The following TTC29 variants were observed in gnomAD, a reference collection of about 807,000 sequenced individuals.
TTC29 encodes tetratricopeptide repeat domain 29, also known as tetratricopeptide repeat protein 29.
In TTC29, 49 loss-of-function variants were observed where a neutral mutation model predicts 58.1. That is an observed-to-expected ratio of 0.84 (90% CI 0.67 to 1.07). The LOEUF is 1.07. Among genes scored for constraint, TTC29 ranks in the 50% least tolerant of loss-of-function variants. The pLI, the probability that TTC29 is intolerant of heterozygous loss-of-function variation, is 0.00. For missense variants in TTC29, 582 were observed against 555.6 expected, an observed-to-expected ratio of 1.05 and a Z score of -0.48; for synonymous variants, 209 against 196.8, an observed-to-expected ratio of 1.06 and a Z score of -0.52.
At chr4:146,765,738 T>C (rs926782800) in intron 11 of TTC29, among the ~76,000 whole-genome samples, 14 of 152,282 alleles carry the variant, frequency 9.2e-5, no homozygotes, top group Admixed American at 3.9e-4. Context: ...GCAGCCTTCA[T>C]AAGACAGACA....
At chr4:146,927,677 G>A (rs1735032222) in intron 4 of TTC29, among the ~76,000 whole-genome samples, 1 of 152,074 alleles carries the variant, frequency 6.6e-6, no homozygotes, top group Non-Finnish European at 1.5e-5. Context: ...GACTGTCAAT[G>A]GCCATCAAGA....
In TTC29 at chr4:146,732,150, A is replaced by G. The variant is rs188023067; in HGVS notation, c.1331-24599T>C. ...TGTTATGGTATTCAAAACACCATCC[A>G]ATAATATTTGCTGGCATTTTCTACT... On this transcript the variant is annotated intron_variant, in intron 11 of 12. Transcript: ENST00000325106. 1.1e-3 allele frequency among the ~76,000 whole-genome samples: 166 copies of G among 152,308 alleles called. 3 individuals are homozygous for G. Among genetic ancestry groups the G allele is most frequent in the African/African-American group, 3.8e-3 (159 of 41,580 alleles).
chr4:146,922,780 C>T (rs1399827813), intron 4 of TTC29, among the ~76,000 whole-genome samples: 1 of 151,694 alleles, frequency 6.6e-6, no homozygotes, highest in South Asian at 2.1e-4. Flanking sequence ...CTCCAAGATA[C>T]AGAGAATATT....
chr4:146,707,181 CT>C lies in TTC29; in HGVS notation c.1404del (p.Gly469ValfsTer39). 6.6e-7 allele frequency: 1 copy of C among 1,514,630 alleles called. No homozygotes were observed. Among genetic ancestry groups the C allele is most frequent in the Non-Finnish European group, 8.9e-7 (1 of 1,127,128 alleles). 93.8% of individuals were successfully genotyped at this position (1,514,630 alleles called of 1,614,324 possible). On this transcript the variant is annotated frameshift_variant, in exon 13 of 13. Coordinates refer to ENST00000325106, the MANE Select transcript of TTC29 (RefSeq NM_031956.4). LOFTEE classifies it high-confidence loss of function. ...SERLEELSRF[P>X]GDQKNET ...CTTTAAGTTTCATTTTTTTGATCAC[CT>C]GGAAACCTGAAATAAAATAAATTAT...
intron 11 of TTC29, among the ~76,000 whole-genome samples, chr4:146,789,927 A>T (rs955193155): frequency 3.9e-5 from 6 of 152,186 alleles, no homozygotes; most frequent in South Asian, 2.1e-4. Context: ...ATCTAAAGTA[A>T]TCACCACGGC....
intron 8 of TTC29, among the ~76,000 whole-genome samples, chr4:146,862,268 T>TAC (rs201399171): frequency 6.7e-6 from 1 of 148,914 alleles, no homozygotes; most frequent in Non-Finnish European, 1.5e-5. Flanking sequence ...TATATATATA[T>TAC]ACATATACAC....
intron 8 of TTC29, among the ~76,000 whole-genome samples, chr4:146,851,738 T>C (rs774600414): frequency 6.6e-6 from 1 of 152,172 alleles, no homozygotes; most frequent in Non-Finnish European, 1.5e-5. Context: ...CAGAAAAACA[T>C]CCAGAGTTTT....
intron 11 of TTC29, among the ~76,000 whole-genome samples, chr4:146,751,227 G>A (rs1479101826): frequency 6.6e-6 from 1 of 152,100 alleles, no homozygotes; most frequent in Non-Finnish European, 1.5e-5. Context: ...AAATATCGAT[G>A]AACACAAAGA....
chr4:146,908,774 G>T (rs1394546098), intron 5 of TTC29, among the ~76,000 whole-genome samples: 2 of 152,202 alleles, frequency 1.3e-5, no homozygotes, highest in African/African-American at 4.8e-5. Context: ...GGGAAGTTCT[G>T]GAGATATTAT....
chr4:146,751,315 A>G (rs188156100), intron 11 of TTC29, among the ~76,000 whole-genome samples: 6 of 152,362 alleles, frequency 3.9e-5, no homozygotes, highest in Admixed American at 3.9e-4. Context: ...AAGACATAAA[A>G]TTAATCCATA....
At position 146,939,911 on chromosome 4, in the gene TTC29, G is replaced by A. The variant is rs1280297575; in HGVS notation, c.-6-10C>T. On this transcript the variant is annotated splice_polypyrimidine_tract_variant and intron_variant, in intron 2 of 12. Transcript: ENST00000325106. ...GGGTGGTCATTTCGGACTACAAAAA[G>A]AAATAAGTAGAAATTGTATTTTAAG... The A allele has an allele frequency of 6.3e-7, 1 of 1,592,986 alleles. No individual in the cohort carries two copies. Among genetic ancestry groups the A allele is most frequent in the Admixed American group, 1.9e-5 (1 of 54,050 alleles).
intron 4 of TTC29, among the ~76,000 whole-genome samples, 153 bp from the exon 5 acceptor site, chr4:146,909,402 C>T (rs1733750648): frequency 6.6e-6 from 1 of 152,142 alleles, no homozygotes; most frequent in Admixed American, 6.6e-5. Flanking sequence ...GCCTCAAACA[C>T]TTATAATTGA....
intron 11 of TTC29, among the ~76,000 whole-genome samples, chr4:146,734,375 C>T (rs1266997228): frequency 6.6e-6 from 1 of 152,132 alleles, no homozygotes; most frequent in Non-Finnish European, 1.5e-5. Context: ...ATACTTCACC[C>T]TATGCATCTC....
At chr4:146,808,325 G>A (rs1476464479) in intron 10 of TTC29, among the ~76,000 whole-genome samples, 8 of 152,144 alleles carry the variant, frequency 5.3e-5, no homozygotes, top group East Asian at 1.9e-4. Context: ...TTTGAAAACC[G>A]GCACAAGAGA....
chr4:146,734,320 A>G (rs909224308), intron 11 of TTC29, among the ~76,000 whole-genome samples: 27 of 152,042 alleles, frequency 1.8e-4, no homozygotes, highest in African/African-American at 6.3e-4. Context: ...TTCCTGGAGG[A>G]TGGTGCACCC....
chr4:146,833,689 G>C, intron 9 of TTC29, 117 bp downstream of exon 9: 1 of 759,014 alleles, frequency 1.3e-6, no homozygotes. Flanking sequence ...CACTTAAGAA[G>C]GGCACTGCTT....
chr4:146,717,208 AT>A (rs1326856294), intron 11 of TTC29, among the ~76,000 whole-genome samples: 6 of 152,058 alleles, frequency 3.9e-5, no homozygotes, highest in African/African-American at 1.4e-4. Context: ...GTAAATATAA[AT>A]TTTTTCCCAT....
intron 11 of TTC29, among the ~76,000 whole-genome samples, chr4:146,712,641 G>A (rs564187307): frequency 6.6e-6 from 1 of 152,152 alleles, no homozygotes; most frequent in South Asian, 2.1e-4. Context: ...TAGATGAGTG[G>A]GTATCAGTCA....
At chr4:146,905,721 A>T (rs62328049) in intron 5 of TTC29, among the ~76,000 whole-genome samples, 43,695 of 152,050 alleles carry the variant, frequency 0.29, 6,782 homozygotes, top group South Asian at 0.41. Context: ...CTTAAAAAGA[A>T]GATTCTACAA....
Sources: gnomAD v4.1 joint callset for allele counts (sites outside exome capture counted in the v4.1 genomes callset) on GRCh38, gnomAD v4.1.1 for gene constraint, MANE v1.5 for transcripts, NCBI Gene and HGNC (gene_info 2026-07-23, HGNC 2026-07-21) for gene names.